The following TRPC5 variants were observed in gnomAD, a reference collection of about 807,000 sequenced individuals.
The protein encoded by TRPC5 is short transient receptor potential channel 5.
Under a neutral mutation model 56.5 loss-of-function variants are expected in TRPC5, and 9 were observed. The ratio of observed to expected loss-of-function variants is 0.16; its 90% CI spans 0.10 to 0.28. The LOEUF (loss-of-function observed/expected upper bound fraction) is 0.28. TRPC5 is among the 10% of genes least tolerant of loss of function. TRPC5 has a pLI of 1.00. For missense variants in TRPC5, 469 were observed against 748.9 expected (o/e 0.63, Z 4.36); for synonymous variants, 282 against 278.5 (o/e 1.01, Z -0.13).
intron 1 of TRPC5, among the ~76,000 whole-genome samples, chrX:112,058,035 C>A: frequency 8.9e-6 from 1 of 111,831 alleles, no homozygotes; most frequent in East Asian, 2.8e-4. Context: ...TGGGTCTATT[C>A]TTGTTTCTGC....
chrX:111,835,252 G>A (rs1374327228), intron 6 of TRPC5, 136 bp from the exon 7 acceptor site: 2 of 515,308 alleles, frequency 3.9e-6, no homozygotes, highest in African/African-American at 2.4e-5. Flanking sequence ...CATATTTTGG[G>A]CTCTTCCCTA....
intron 3 of TRPC5, among the ~76,000 whole-genome samples, chrX:111,897,612 G>A (rs1925130540): frequency 9.0e-6 from 1 of 111,438 alleles, no homozygotes; most frequent in African/African-American, 3.3e-5. Context: ...TTCTAAAATT[G>A]TATATGGATG....
chrX:112,071,223 C>T (rs1218220976), intron 1 of TRPC5, among the ~76,000 whole-genome samples: 1 of 110,518 alleles, frequency 9.0e-6, no homozygotes, highest in African/African-American at 3.3e-5. Flanking sequence ...GGGAGGATCA[C>T]CTGAACCTGC....
At chrX:111,972,601 G>A (rs1927814950) in intron 1 of TRPC5, among the ~76,000 whole-genome samples, 1 of 112,437 alleles carries the variant, frequency 8.9e-6, no homozygotes. Context: ...GGGTCTAACA[G>A]CTTTGTACAG....
chrX:112,016,719 A>ATG (rs1929134075), intron 1 of TRPC5, among the ~76,000 whole-genome samples: 1 of 111,750 alleles, frequency 8.9e-6, no homozygotes, highest in Non-Finnish European at 1.9e-5. Context: ...CCATGTGTGC[A>ATG]TGTGTGTGTA....
At chrX:111,891,460 G>A (rs1047724116) in intron 3 of TRPC5, among the ~76,000 whole-genome samples, 2 of 112,212 alleles carry the variant, frequency 1.8e-5, no homozygotes, top group Admixed American at 1.9e-4. Context: ...CAATCTTGAC[G>A]AGTCAGTTAC....
intron 3 of TRPC5, among the ~76,000 whole-genome samples, chrX:111,881,261 C>T (rs1924204197): frequency 9.1e-6 from 1 of 110,114 alleles, no homozygotes; most frequent in Admixed American, 9.8e-5. Flanking sequence ...ACTGTAACCT[C>T]CACCTCCCGG....
chrX:111,774,453 GAC>G lies in TRPC5; in HGVS notation c.*1858_*1859del, dbSNP rs1945862860. 1 of 111,775 alleles carries G rather than the reference GAC, an allele frequency of 8.9e-6. No individual in the cohort carries two copies. The highest frequency in any genetic ancestry group is 1.9e-5 in the Non-Finnish European group (1 of 53,128). 9.2% of individuals were successfully genotyped at this position (111,775 alleles called of 1,213,427 possible). ...TGATTAAATGTCAAGGCCATTTTAT[GAC>G]AGTCTTAGCGAAGCAGGGGAGAAAT... On this transcript the variant is annotated 3_prime_UTR_variant, in exon 11 of 11. Transcript: ENST00000262839.
chrX:112,079,478 A>G (rs989369930), intron 1 of TRPC5, among the ~76,000 whole-genome samples: 1 of 112,306 alleles, frequency 8.9e-6, no homozygotes, highest in African/African-American at 3.2e-5. Flanking sequence ...TTGCAAGTCA[A>G]ATACAGGCAA....
intron 1 of TRPC5, among the ~76,000 whole-genome samples, chrX:111,978,328 GAC>G (rs1927984928): frequency 9.0e-6 from 1 of 111,384 alleles, no homozygotes; most frequent in African/African-American, 3.3e-5. Flanking sequence ...AAATAAGCAA[GAC>G]ACAGAAATTG....
chrX:111,809,735 T>C (rs926228618), intron 7 of TRPC5, among the ~76,000 whole-genome samples: 2 of 111,528 alleles, frequency 1.8e-5, no homozygotes, highest in Non-Finnish European at 3.8e-5. Context: ...TGGAGGCTTC[T>C]ATTCAGTCAT....
intron 1 of TRPC5, among the ~76,000 whole-genome samples, chrX:112,042,544 A>C (rs1237243862): frequency 9.0e-6 from 1 of 111,433 alleles, no homozygotes; most frequent in Non-Finnish European, 1.9e-5. Context: ...TTAGGCTTCT[A>C]TTCATGCTAA....
In TRPC5 at chrX:111,979,686, G is replaced by T. The variant is rs1402014845; in HGVS notation, c.-21-27245C>A. On this transcript the variant is annotated intron_variant, in intron 1 of 10. Coordinates refer to ENST00000262839, the MANE Select transcript of TRPC5 (RefSeq NM_012471.3). ...ATTTGAAAAGATACTTCACCAAAAAGGATATATAAATGGAAAACAGGCATA... is the reference window on the plus strand; with the variant it reads ...ATTTGAAAAGATACTTCACCAAAAATGATATATAAATGGAAAACAGGCATA... Among the ~76,000 whole-genome samples the T allele has an allele frequency of 2.7e-5, 3 of 111,437 alleles. 1 individual carries two copies. Among genetic ancestry groups the T allele is most frequent in the African/African-American group, 9.8e-5 (3 of 30,736 alleles).
intron 1 of TRPC5, among the ~76,000 whole-genome samples, chrX:112,077,628 T>C (rs16986771): frequency 0.033 from 3,665 of 111,772 alleles, 140 homozygotes; most frequent in African/African-American, 0.11. Context: ...CACTACATCC[T>C]AGCCTTTTCC....
rs1429333811 is a variant in TRPC5, at chrX:111,768,133, TG to T, written c.*8179del. 8.9e-6 allele frequency among the ~76,000 whole-genome samples: 1 copy of T among 112,562 alleles called. No homozygotes were observed. Among genetic ancestry groups the T allele is most frequent in the Non-Finnish European group, 1.9e-5 (1 of 53,270 alleles). ...ATTGACACTGTGCACTTACAGAAAGTGTTTAAATAAAAGTGATAGTTATTCA... is the reference window on the plus strand; with the variant it reads ...ATTGACACTGTGCACTTACAGAAAGTTTTAAATAAAAGTGATAGTTATTCA... On this transcript the variant is annotated 3_prime_UTR_variant, in exon 11 of 11. Coordinates refer to ENST00000262839, the MANE Select transcript of TRPC5 (RefSeq NM_012471.3).
intron 3 of TRPC5, among the ~76,000 whole-genome samples, chrX:111,906,262 TGAG>T (rs1569527884): frequency 1.9e-5 from 2 of 104,449 alleles, no homozygotes; most frequent in East Asian, 6.2e-4. Context: ...GGCTGAGGCA[TGAG>T]AATAGCTTGA....
At chrX:112,065,886 A>T (rs761323356) in intron 1 of TRPC5, among the ~76,000 whole-genome samples, 2 of 109,860 alleles carry the variant, frequency 1.8e-5, no homozygotes, top group South Asian at 8.0e-4. Flanking sequence ...AGAAAAAAAA[A>T]AAAAGTTGGC....
chrX:111,849,735 A>C lies in TRPC5; in HGVS notation c.1378-2299T>G, dbSNP rs2239002. 6.3e-5 allele frequency among the ~76,000 whole-genome samples: 7 copies of C among 111,913 alleles called. No homozygotes were observed. The East Asian group carries it at 2.0e-3, about 31-fold the overall frequency. ...CTTAAAGATGTGGTACCATGGGAAA[A>C]AATTTTTTAAAAGGTTGAGCACCAC... On this transcript the variant is annotated intron_variant, in intron 5 of 10. Coordinates refer to ENST00000262839, the MANE Select transcript of TRPC5 (RefSeq NM_012471.3).
chrX:111,980,724 A>T (rs1928055445), intron 1 of TRPC5, among the ~76,000 whole-genome samples: 1 of 109,871 alleles, frequency 9.1e-6, no homozygotes, highest in African/African-American at 3.3e-5. Context: ...CATTGAAAGC[A>T]TTTTGTGAGA....
Sources: gnomAD v4.1 joint callset for allele counts (sites outside exome capture counted in the v4.1 genomes callset) on GRCh38, gnomAD v4.1.1 for gene constraint, MANE v1.5 for transcripts, NCBI Gene and HGNC (gene_info 2026-07-23, HGNC 2026-07-21) for gene names.